The following SNTG2 variants were observed in gnomAD, a reference collection of about 807,000 sequenced individuals.
SNTG2 encodes the protein gamma-2-syntrophin.
In SNTG2, 74 loss-of-function variants were observed where a neutral mutation model predicts 70.9. The ratio of observed to expected loss-of-function variants is 1.04; its 90% CI spans 0.86 to 1.27. SNTG2 has a LOEUF of 1.27. SNTG2 is among the 50% of genes most tolerant of loss of function. SNTG2 has a pLI of 0.00. For missense variants in SNTG2, 717 were observed against 690.7 expected (o/e 1.04, Z -0.43); for synonymous variants, 278 against 273.8 (o/e 1.02, Z -0.15).
chr2:1,301,313 C>T (rs1318872370), intron 14 of SNTG2, among the ~76,000 whole-genome samples: 3 of 152,090 alleles, frequency 2.0e-5, no homozygotes, highest in Non-Finnish European at 4.4e-5. Flanking sequence ...GCTCAGCTGC[C>T]GTCTGCACCC....
chr2:1,023,302 C>T (rs1456063089), intron 1 of SNTG2, among the ~76,000 whole-genome samples: 4 of 152,096 alleles, frequency 2.6e-5, no homozygotes, highest in African/African-American at 9.7e-5. Flanking sequence ...CTCTTGGCAG[C>T]AGTAGAAGGA....
At chr2:1,046,235 C>A (rs546161270) in intron 1 of SNTG2, among the ~76,000 whole-genome samples, 8 of 152,134 alleles carry the variant, frequency 5.3e-5, no homozygotes, top group Admixed American at 3.3e-4. Flanking sequence ...CTATTCATTT[C>A]CCCTAAGCCT....
chr2:1,060,310 A>T (rs879347917), intron 1 of SNTG2, among the ~76,000 whole-genome samples: 1 of 152,234 alleles, frequency 6.6e-6, no homozygotes, highest in Non-Finnish European at 1.5e-5. Flanking sequence ...CAGTTGTTTA[A>T]TATTGATACC....
At chr2:1,103,385 T>TA (rs1378753296) in intron 4 of SNTG2, 1 of 292,936 alleles carries the variant, frequency 3.4e-6, no homozygotes, top group African/African-American at 2.4e-5. Flanking sequence ...ATTTCTTTTT[T>TA]TTTTTATTTT....
chr2:993,070 C>CTT lies in SNTG2; in HGVS notation c.72+42018_72+42019dup, dbSNP rs59134628. 4.9e-3 allele frequency among the ~76,000 whole-genome samples: 690 copies of CTT among 140,500 alleles called. 7 individuals are homozygous for CTT. The highest frequency in any genetic ancestry group is 0.016 in the African/African-American group (588 of 37,740). 92.2% of individuals were successfully genotyped at this position (140,500 alleles called of 152,430 possible). A position where few individuals can be genotyped will look rare whatever the true frequency, so the allele number is the denominator to read the frequency against. On this transcript the variant is annotated intron_variant, in intron 1 of 16. Transcript: ENST00000308624. Reference sequence around the variant, plus strand: ...TCATACAGTTGGTCTTTTGTGGGTTCTTTTTTTTTTTTTTTTTATTATACT... The same window carrying CTT: ...TCATACAGTTGGTCTTTTGTGGGTTCTTTTTTTTTTTTTTTTTTTATTATACT...
Position 1,165,607 on chromosome 2 carries a change from A to G in SNTG2, c.471A>G (p.Glu157=). 1 of 1,613,164 alleles carries G rather than the reference A, an allele frequency of 6.2e-7. No individual in the cohort carries two copies. The highest frequency in any genetic ancestry group is 8.5e-7 in the Non-Finnish European group (1 of 1,179,640). ...CCATCACCGTTGAGTATCTCAGGGA[A>G]GCGCCGGCATTTCTGAAGCTCCCGT... ...EVTITVEYLR[E]APAFLKLPLG... Residue 157 remains glutamate, a synonymous_variant, in exon 7 of 17, where the codon GAA becomes GAG. Coordinates refer to ENST00000308624, the MANE Select transcript of SNTG2 (RefSeq NM_018968.4).
intron 1 of SNTG2, among the ~76,000 whole-genome samples, chr2:1,048,643 T>C (rs187360405): frequency 2.8e-4 from 43 of 152,298 alleles, no homozygotes; most frequent in Middle Eastern, 6.8e-3. Flanking sequence ...CATCCTTTCA[T>C]ATGTCTTTAG....
chr2:961,157 A>G (rs770359025), intron 1 of SNTG2, among the ~76,000 whole-genome samples: 4 of 152,318 alleles, frequency 2.6e-5, no homozygotes, highest in African/African-American at 7.2e-5. Flanking sequence ...TTTGTTTTAT[A>G]TGTTATCACC....
intron 9 of SNTG2, among the ~76,000 whole-genome samples, chr2:1,232,799 T>A (rs978871979): frequency 2.0e-5 from 3 of 152,220 alleles, no homozygotes; most frequent in Admixed American, 2.0e-4. Flanking sequence ...ATTTCAAGAT[T>A]TTTCAAATTC....
At chr2:1,156,106 G>A (rs28758857) in intron 6 of SNTG2, among the ~76,000 whole-genome samples, 11,301 of 152,224 alleles carry the variant, frequency 0.074, 898 homozygotes, top group African/African-American at 0.2. Flanking sequence ...GAAGGGAACA[G>A]AGAAATGGCA....
chr2:1,109,627 C>T (rs1260040487), intron 4 of SNTG2, among the ~76,000 whole-genome samples: 1 of 152,150 alleles, frequency 6.6e-6, no homozygotes, highest in African/African-American at 2.4e-5. Flanking sequence ...TTAGATTTTT[C>T]CCTCGAAATC....
At chr2:1,021,926 G>C (rs377182505) in intron 1 of SNTG2, among the ~76,000 whole-genome samples, 1 of 78,020 alleles carries the variant, frequency 1.3e-5, no homozygotes, top group African/African-American at 5.0e-5. Context: ...CTTGAATTTT[G>C]TTTTATGTGC....
chr2:1,059,477 G>A (rs1448939693), intron 1 of SNTG2: 1 of 152,156 alleles, frequency 6.6e-6, no homozygotes, highest in Admixed American at 6.5e-5. Flanking sequence ...ATAAATACAA[G>A]TGTGTTCTGA....
At chr2:1,031,529 T>TATATATATATATATATATATATATA (rs372970926) in intron 1 of SNTG2, among the ~76,000 whole-genome samples, 1 of 42,662 alleles carries the variant, frequency 2.3e-5, no homozygotes, top group Non-Finnish European at 4.5e-5. Flanking sequence ...TATATATATA[T>TATATATATATATATATATATATATA]TTTTTTTTTT....
At chr2:1,258,115 A>G (rs772554064) in intron 12 of SNTG2, among the ~76,000 whole-genome samples, 4 of 152,144 alleles carry the variant, frequency 2.6e-5, no homozygotes, top group Non-Finnish European at 5.9e-5. Flanking sequence ...CAGGGTGGGA[A>G]CGGGAGGAGT....
chr2:983,683 T>C (rs889263305), intron 1 of SNTG2, among the ~76,000 whole-genome samples: 8 of 152,230 alleles, frequency 5.3e-5, no homozygotes, highest in Admixed American at 3.9e-4. Flanking sequence ...TGACCTTCAG[T>C]CTTGATTCAT....
chr2:1,122,722 C>CAAAA (rs60163290), intron 4 of SNTG2, among the ~76,000 whole-genome samples: 5 of 121,926 alleles, frequency 4.1e-5, no homozygotes, highest in Admixed American at 7.9e-5. Flanking sequence ...AGCAATCAGA[C>CAAAA]AAAAAAAAAA....
chr2:1,213,699 T>C (rs1674193888), intron 9 of SNTG2, among the ~76,000 whole-genome samples: 1 of 152,130 alleles, frequency 6.6e-6, no homozygotes, highest in African/African-American at 2.4e-5. Flanking sequence ...TACCTGCATG[T>C]CTTTGTGGGG....
intron 1 of SNTG2, among the ~76,000 whole-genome samples, chr2:1,017,803 G>A (rs750499522): frequency 2.6e-5 from 4 of 152,206 alleles, no homozygotes; most frequent in Admixed American, 6.5e-5. Context: ...AAGGGTTGTC[G>A]TGAGGGCAGT....
Sources: allele counts gnomAD v4.1 joint callset (sites outside exome capture counted in the v4.1 genomes callset), GRCh38; gene constraint gnomAD v4.1.1; transcripts MANE v1.5; gene names NCBI Gene and HGNC (gene_info 2026-07-23, HGNC 2026-07-21).